NECAB1: variants seen among roughly 807,000 people sequenced by gnomAD.
NECAB1 encodes the protein N-terminal EF-hand calcium binding protein 1.
Under a neutral mutation model 57.5 loss-of-function variants are expected in NECAB1, and 29 were observed. That is an observed-to-expected ratio of 0.50 (90% CI 0.38 to 0.69). NECAB1 has a LOEUF of 0.69. Among genes scored for constraint, NECAB1 ranks in the 30% least tolerant of loss-of-function variants. The pLI is 0.00. For synonymous variants in NECAB1, 142 were observed against 147.7 expected (o/e 0.96, Z 0.28); for missense variants, 372 against 413.8 (o/e 0.90, Z 0.88).
At chr8:90,883,621 C>T (rs1024032134) in intron 5 of NECAB1, among the ~76,000 whole-genome samples, 2 of 152,284 alleles carry the variant, frequency 1.3e-5, no homozygotes, top group African/African-American at 4.8e-5. Context: ...AGGACAGATA[C>T]AATCCGTCAT....
rs1234665098 is a variant in NECAB1, at chr8:90,955,112, T to TTAATTATATATATATATATATA, written c.1031-373_1031-372insATTATATATATATATATATATA. 3.1e-4 allele frequency among the ~76,000 whole-genome samples: 22 copies of TTAATTATATATATATATATATA among 70,808 alleles called. 2 individuals are homozygous for TTAATTATATATATATATATATA. Among genetic ancestry groups the TTAATTATATATATATATATATA allele is most frequent in the African/African-American group, 9.4e-4 (20 of 21,222 alleles). 46.5% of individuals were successfully genotyped at this position (70,808 alleles called of 152,430 possible). ...ATTTCATAAATATTGGGTATATAAA[T>TTAATTATATATATATATATATA]TATATATATATATATATATATATAT... On this transcript the variant is annotated intron_variant, in intron 12 of 12. Coordinates refer to ENST00000417640, the MANE Select transcript of NECAB1 (RefSeq NM_022351.5).
intron 5 of NECAB1, among the ~76,000 whole-genome samples, chr8:90,907,151 T>TGAGAGA (rs71266152): frequency 1.6e-3 from 164 of 102,082 alleles, no homozygotes; most frequent in Middle Eastern, 5.4e-3. Context: ...TGTGTGTGTG[T>TGAGAGA]GAGAGAGAGA....
At chr8:90,883,228 A>G (rs1442878208) in intron 5 of NECAB1, among the ~76,000 whole-genome samples, 2 of 152,214 alleles carry the variant, frequency 1.3e-5, no homozygotes, top group Middle Eastern at 3.4e-3. Flanking sequence ...CAAGAAAAAC[A>G]TATGTCTCTG....
chr8:90,938,634 G>A (rs1009570190), intron 9 of NECAB1, among the ~76,000 whole-genome samples: 2 of 152,130 alleles, frequency 1.3e-5, no homozygotes, highest in Non-Finnish European at 2.9e-5. Flanking sequence ...GATTATCTGG[G>A]GCTCTTTAAA....
chr8:90,887,702 C>T (rs766915322), intron 5 of NECAB1, among the ~76,000 whole-genome samples: 38 of 152,080 alleles, frequency 2.5e-4, no homozygotes, highest in Non-Finnish European at 5.0e-4. Flanking sequence ...CAGATAATGA[C>T]CCTACTTTGA....
At chr8:90,841,937 A>G (rs2129746392) in intron 3 of NECAB1, among the ~76,000 whole-genome samples, 1 of 152,352 alleles carries the variant, frequency 6.6e-6, no homozygotes, top group South Asian at 2.1e-4. Flanking sequence ...ACACAGGAAC[A>G]GAAAACCAAA....
At chr8:90,814,935 C>T (rs1812033012) in intron 2 of NECAB1, among the ~76,000 whole-genome samples, 1 of 152,084 alleles carries the variant, frequency 6.6e-6, no homozygotes, top group Non-Finnish European at 1.5e-5. Context: ...GTATACTAAC[C>T]CATGTATATG....
chr8:90,890,498 A>G (rs1187583997), intron 5 of NECAB1, among the ~76,000 whole-genome samples: 1 of 152,192 alleles, frequency 6.6e-6, no homozygotes, highest in East Asian at 1.9e-4. Flanking sequence ...TAATACAGTA[A>G]AAATTCTGAA....
intron 5 of NECAB1, among the ~76,000 whole-genome samples, chr8:90,885,873 G>A (rs1808971771): frequency 6.6e-6 from 1 of 152,226 alleles, no homozygotes; most frequent in East Asian, 1.9e-4. Context: ...TAGCTTCTCT[G>A]TTAAAAATAT....
At chr8:90,873,377 G>A (rs1808654807) in intron 4 of NECAB1, among the ~76,000 whole-genome samples, 2 of 152,190 alleles carry the variant, frequency 1.3e-5, no homozygotes, top group Admixed American at 6.5e-5. Flanking sequence ...GTGCACACAT[G>A]GTTAAGTACC....
At chr8:90,813,274 T>C (rs1189575891) in intron 2 of NECAB1, 2 of 145,754 alleles carry the variant, frequency 1.4e-5, no homozygotes, top group Non-Finnish European at 3.0e-5. Context: ...CACACACACT[T>C]GTATAAGCAG....
intron 3 of NECAB1, among the ~76,000 whole-genome samples, chr8:90,851,489 C>G (rs1215490926): frequency 2.0e-5 from 3 of 152,166 alleles, no homozygotes; most frequent in Admixed American, 2.0e-4. Flanking sequence ...TTGTAGGACA[C>G]TCAATTGATA....
chr8:90,823,318 T>TA (rs1471121171), intron 2 of NECAB1, among the ~76,000 whole-genome samples: 1 of 151,842 alleles, frequency 6.6e-6, no homozygotes, highest in Non-Finnish European at 1.5e-5. Context: ...CCTTTTGTGT[T>TA]AAAAAGCAAA....
chr8:90,837,264 G>A (rs1297551172), intron 3 of NECAB1, among the ~76,000 whole-genome samples: 1 of 152,168 alleles, frequency 6.6e-6, no homozygotes, highest in African/African-American at 2.4e-5. Flanking sequence ...ATCTGCCAGG[G>A]ATAAGTTCCA....
chr8:90,838,847 T>G (rs1812411566), intron 3 of NECAB1, among the ~76,000 whole-genome samples: 1 of 152,236 alleles, frequency 6.6e-6, no homozygotes, highest in Non-Finnish European at 1.5e-5. Context: ...ATAATCTATA[T>G]TTCCAAACCC....
chr8:90,806,845 T>G (rs1811854522), intron 2 of NECAB1: 1 of 152,240 alleles, frequency 6.6e-6, no homozygotes, highest in South Asian at 2.1e-4. Flanking sequence ...TCAATATTTT[T>G]AGCTATTTTT....
At chr8:90,900,435 T>A (rs1809473639) in intron 5 of NECAB1, among the ~76,000 whole-genome samples, 1 of 152,240 alleles carries the variant, frequency 6.6e-6, no homozygotes, top group Admixed American at 6.5e-5. Context: ...GGATGGAAAC[T>A]GAGCCCCATG....
intron 2 of NECAB1, among the ~76,000 whole-genome samples, chr8:90,807,297 T>G (rs1422920974): frequency 6.6e-6 from 1 of 152,238 alleles, no homozygotes; most frequent in Non-Finnish European, 1.5e-5. Flanking sequence ...TTATGATCAA[T>G]TAATTTGGAA....
At chr8:90,906,889 A>ATATATATATATATACGTATATATATATG (rs1809677575) in intron 5 of NECAB1, among the ~76,000 whole-genome samples, 1 of 72,856 alleles carries the variant, frequency 1.4e-5, no homozygotes, top group African/African-American at 5.7e-5. Context: ...ATATATATAT[A>ATATATATATATATACGTATATATATATG]TATATATATA....
Sources: gnomAD v4.1 joint callset for allele counts (sites outside exome capture counted in the v4.1 genomes callset) on GRCh38, gnomAD v4.1.1 for gene constraint, MANE v1.5 for transcripts, NCBI Gene and HGNC (gene_info 2026-07-23, HGNC 2026-07-21) for gene names.